The following SERAC1 variants were observed in gnomAD, a reference collection of about 807,000 sequenced individuals.
The protein encoded by SERAC1 is serine active site containing 1, also known as protein SERAC1.
In SERAC1, 36 loss-of-function variants were observed where a neutral mutation model predicts 85.7. The observed-to-expected ratio is 0.42, with a 90% CI of 0.32 to 0.55. The LOEUF is 0.55. Ranked by LOEUF, SERAC1 falls within the 20% of genes least tolerant of loss-of-function variation. The pLI is 0.11. For synonymous variants in SERAC1, 242 were observed against 265.3 expected, an observed-to-expected ratio of 0.91 and a Z score of 0.85; for missense variants, 629 against 796.2, an observed-to-expected ratio of 0.79 and a Z score of 2.53.
intron 3 of SERAC1, among the ~76,000 whole-genome samples, chr6:158,154,964 G>A (rs1785293658): frequency 6.6e-6 from 1 of 151,976 alleles, no homozygotes; most frequent in Admixed American, 6.6e-5. Flanking sequence ...GTGCGCCGGA[G>A]CTGAGTGAGT....
chr6:158,158,436 A>G (rs1243141179), intron 1 of SERAC1, 72 bp from the exon 2 acceptor site: 9 of 1,149,922 alleles, frequency 7.8e-6, no homozygotes, highest in Non-Finnish European at 1.2e-5. Context: ...AACTACAAGA[A>G]CATGTTACCA....
chr6:158,139,859 T>A (rs1379872486), intron 8 of SERAC1, among the ~76,000 whole-genome samples: 1 of 152,156 alleles, frequency 6.6e-6, no homozygotes, highest in Admixed American at 6.5e-5. Context: ...TCATTAAGCA[T>A]TAGGAAATGC....
intron 1 of SERAC1, among the ~76,000 whole-genome samples, chr6:158,167,537 C>CAAAAAAAAAAAAA (rs71542916): frequency 1.4e-5 from 1 of 69,898 alleles, no homozygotes; most frequent in Non-Finnish European, 3.2e-5. Context: ...GACTCCATCT[C>CAAAAAAAAAAAAA]AAAAAAAAAA....
intron 15 of SERAC1, chr6:158,114,529 T>TATC (rs1167301962): frequency 1.7e-6 from 2 of 1,204,732 alleles, no homozygotes; most frequent in Non-Finnish European, 2.1e-6. Context: ...AGCAAAACAT[T>TATC]ATCTGATTAT....
At chr6:158,138,033 C>T (rs1381881643) in intron 8 of SERAC1, among the ~76,000 whole-genome samples, 2 of 152,182 alleles carry the variant, frequency 1.3e-5, no homozygotes, top group Non-Finnish European at 2.9e-5. Flanking sequence ...AACACACAAA[C>T]ACATGATATG....
intron 1 of SERAC1, chr6:158,160,911 T>G (rs540221971): frequency 6.6e-6 from 1 of 152,298 alleles, no homozygotes; most frequent in African/African-American, 2.4e-5. Flanking sequence ...TTACCAACAT[T>G]TTGTCAGTTT....
chr6:158,111,240 C>T lies in SERAC1; in HGVS notation c.*126G>A. The T allele has an allele frequency of 1.1e-6, 1 of 915,728 alleles. No homozygotes were observed. The highest frequency in any genetic ancestry group is 2.7e-5 in the Admixed American group (1 of 37,218). 56.7% of individuals were successfully genotyped at this position (915,728 alleles called of 1,614,324 possible). A position where few individuals can be genotyped will look rare whatever the true frequency, so the allele number is the denominator to read the frequency against. ...GAGAACAATGTTCTGTAGTCTGCAA[C>T]ACACTCCAGACCATGTTGACGCTAT... On this transcript the variant is annotated 3_prime_UTR_variant, in exon 17 of 17. Coordinates refer to ENST00000647468, the MANE Select transcript of SERAC1 (RefSeq NM_032861.4).
chr6:158,114,408 TTTAAAA>T (rs1784225099), intron 15 of SERAC1: 5 of 868,852 alleles, frequency 5.8e-6, no homozygotes, highest in South Asian at 1.0e-4. Context: ...ACCAGAGTAC[TTTAAAA>T]TTAATACTAA....
chr6:158,118,990 G>A (rs762537192), intron 12 of SERAC1, 39 bp downstream of exon 12: 27 of 1,583,688 alleles, frequency 1.7e-5, no homozygotes, highest in Non-Finnish European at 2.1e-5. Context: ...CAGCAACCAG[G>A]GCCCCAGCAA....
At position 158,144,378 on chromosome 6, in the gene SERAC1, G is replaced by T. The variant is rs768790092; in HGVS notation, c.530C>A (p.Thr177Asn). The T allele has an allele frequency of 6.2e-7, 1 of 1,613,262 alleles. No homozygotes were observed. Among genetic ancestry groups the T allele is most frequent in the South Asian group, 1.1e-5 (1 of 90,934 alleles). The change falls in exon 7 of 17, where the codon ACT becomes AAT. Residue 177 changes from threonine (T) to asparagine (N), a missense_variant. Physicochemically the swap from Thr to Asn is moderately conservative, Grantham distance 65. Coordinates refer to ENST00000647468, the MANE Select transcript of SERAC1 (RefSeq NM_032861.4). ...RIIAQACDPK[T>N]LIGLARSEES... is the part of the protein sequence containing the mutation. The stretch of plus-strand genomic sequence containing the variant: ...TTCGCTTCGTGCCAAACCAATAAGA[G>T]TTTTCGGATCACAGGCTTGAGCAAT...
Position 158,117,916 on chromosome 6 carries a change from A to G in SERAC1, c.1309-95T>C. On this transcript the variant is annotated intron_variant, in intron 12 of 16. Transcript: ENST00000647468. The surrounding 1 kb of genome is among the most constrained non-coding windows in gnomAD (Gnocchi z 4.3). ...AAATTTATAACTAAAGGCCTCTTGC[A>G]CTATAATTAAAGATAGCACTGGAAT... 1 of 907,232 alleles carries G rather than the reference A, an allele frequency of 1.1e-6. No individual in the cohort carries two copies. The highest frequency in any genetic ancestry group is 1.7e-6 in the Non-Finnish European group (1 of 576,360). The allele number at this position is 907,232 out of a possible 1,614,324, so 56.2% of individuals were successfully genotyped here. A position where few individuals can be genotyped will look rare whatever the true frequency, so the allele number is the denominator to read the frequency against.
chr6:158,144,827 TC>T (rs1785015083), intron 6 of SERAC1, among the ~76,000 whole-genome samples: 2 of 152,192 alleles, frequency 1.3e-5, no homozygotes, highest in Admixed American at 1.3e-4. Context: ...ATTCATAGTG[TC>T]CATGAATATT....
At chr6:158,143,011 G>A (rs776738659) in intron 8 of SERAC1, 45 bp downstream of exon 8, 1 of 1,479,876 alleles carries the variant, frequency 6.8e-7, no homozygotes, top group Non-Finnish European at 9.4e-7. Flanking sequence ...ACATTGGAAA[G>A]GGTGGACACT....
chr6:158,150,996 G>A (rs1460859277), intron 3 of SERAC1: 2 of 157,822 alleles, frequency 1.3e-5, no homozygotes, highest in Non-Finnish European at 2.8e-5. Context: ...ATTCACTATA[G>A]TATACTTTTA....
intron 1 of SERAC1, among the ~76,000 whole-genome samples, chr6:158,166,624 G>A (rs1168937677): frequency 6.6e-6 from 1 of 152,002 alleles, no homozygotes; most frequent in Non-Finnish European, 1.5e-5. Context: ...CTATTAATAC[G>A]GTATATCTCA....
At chr6:158,133,824 C>T (rs545892057) in intron 8 of SERAC1, among the ~76,000 whole-genome samples, 1 of 152,202 alleles carries the variant, frequency 6.6e-6, no homozygotes, top group Non-Finnish European at 1.5e-5. Flanking sequence ...AGATAGAATT[C>T]AAGGCAGGTA....
rs770661156 is a variant in SERAC1, at chr6:158,113,513, CA to C, written c.1763del (p.Val588GlyfsTer11). Reference protein sequence around the residue: ...KDKNFQVLNFVETLPTYIGSM... With the variant: ...KDKNFQVLNFXETLPTYIGSM... ...TGCCAATGTAGGTTGGTAGTGTTTCCACAAAATTCAGCACCTGGAAGTTTTT... is the reference window on the plus strand; with the variant it reads ...TGCCAATGTAGGTTGGTAGTGTTTCCCAAAATTCAGCACCTGGAAGTTTTT... On this transcript the variant is annotated frameshift_variant, in exon 16 of 17. Transcript: ENST00000647468. LOFTEE classifies it high-confidence loss of function. 10 of 1,613,954 alleles carry C rather than the reference CA, an allele frequency of 6.2e-6. No individual in the cohort carries two copies. The Admixed American group carries it at 1.7e-4, about 27-fold the overall frequency.
intron 8 of SERAC1, among the ~76,000 whole-genome samples, chr6:158,136,477 C>G (rs565944391): frequency 6.6e-6 from 1 of 152,030 alleles, no homozygotes; most frequent in African/African-American, 2.4e-5. Context: ...CGCCTCTGTA[C>G]GTGAGGAGTT....
At position 158,114,922 on chromosome 6, in the gene SERAC1, C is replaced by T. The variant is rs1330755233; in HGVS notation, c.1551G>A (p.Met517Ile). 5 of 1,613,676 alleles carry T rather than the reference C, an allele frequency of 3.1e-6. No individual in the cohort carries two copies. The East Asian group carries it at 8.9e-5, about 29-fold the overall frequency. Residue 517 changes from methionine to isoleucine, a missense_variant, in exon 15 of 17, where the codon ATG (methionine) becomes ATA (isoleucine). Met to Ile is a conservative substitution (Grantham distance 10). Coordinates refer to ENST00000647468, the MANE Select transcript of SERAC1 (RefSeq NM_032861.4). The stretch of plus-strand genomic sequence containing the variant: ...CTCTGGTATTGTTGATAACAGTACT[C>T]ATTTCTGGCTTCGTAGAGGCTTCCA... Reference protein sequence around the residue: ...MLLEASTKPEMSTVINNTRGI... With the variant: ...MLLEASTKPEISTVINNTRGI...
Sources: gnomAD v4.1 joint callset for allele counts (sites outside exome capture counted in the v4.1 genomes callset) on GRCh38, gnomAD v4.1.1 for gene constraint, Gnocchi (gnomAD v3.1) non-coding constraint, MANE v1.5 for transcripts, NCBI Gene and HGNC (gene_info 2026-07-23, HGNC 2026-07-21) for gene names.